The following SHROOM4 variants were observed in gnomAD, a reference collection of about 807,000 sequenced individuals.
SHROOM4 encodes protein Shroom4.
A neutral mutation model predicts 80.3 loss-of-function variants in SHROOM4; 17 were observed. The ratio of observed to expected loss-of-function variants is 0.21; its 90% CI spans 0.14 to 0.32. The LOEUF (loss-of-function observed/expected upper bound fraction) is 0.32. Among genes scored for constraint, SHROOM4 ranks in the 10% least tolerant of loss-of-function variants. SHROOM4 has a pLI of 1.00. For synonymous variants in SHROOM4, 400 were observed against 437.5 expected (o/e 0.91, Z 1.07); for missense variants, 993 against 1,140.3 (o/e 0.87, Z 1.86).
intron 1 of SHROOM4, among the ~76,000 whole-genome samples, chrX:50,728,885 A>G (rs1394680909): frequency 9.0e-6 from 1 of 111,595 alleles, no homozygotes; most frequent in African/African-American, 3.3e-5. Flanking sequence ...GACAGGATAA[A>G]AAATAAGAAC....
intron 1 of SHROOM4, among the ~76,000 whole-genome samples, chrX:50,744,715 ACT>A (rs1311939370): frequency 9.0e-6 from 1 of 111,279 alleles, no homozygotes; most frequent in Non-Finnish European, 1.9e-5. Context: ...TATTGTAGTA[ACT>A]CTGAATTCTG....
At chrX:50,684,459 T>C (rs781813570) in intron 2 of SHROOM4, among the ~76,000 whole-genome samples, 1 of 112,145 alleles carries the variant, frequency 8.9e-6, no homozygotes, top group African/African-American at 3.2e-5. Context: ...ATGTAATCTC[T>C]GCTATTTTAA....
chrX:50,653,036 T>G (rs1394810252), intron 2 of SHROOM4, among the ~76,000 whole-genome samples: 1 of 111,796 alleles, frequency 8.9e-6, no homozygotes, highest in Non-Finnish European at 1.9e-5. Context: ...CTTAGGATTG[T>G]CTTGGCTATC....
intron 1 of SHROOM4, among the ~76,000 whole-genome samples, chrX:50,738,435 G>A (rs782001261): frequency 1.5e-4 from 17 of 111,356 alleles, no homozygotes; most frequent in South Asian, 3.8e-4. Flanking sequence ...AAACCCCATC[G>A]TCTCAGCCCC....
At chrX:50,612,937 C>G (rs1930065186) in intron 5 of SHROOM4, among the ~76,000 whole-genome samples, 1 of 110,859 alleles carries the variant, frequency 9.0e-6, no homozygotes, top group Non-Finnish European at 1.9e-5. Context: ...TGCTTAATGG[C>G]AAAACACTAG....
At chrX:50,611,243 G>C (rs1464553807) in intron 5 of SHROOM4, among the ~76,000 whole-genome samples, 3 of 101,115 alleles carry the variant, frequency 3.0e-5, no homozygotes, top group African/African-American at 1.1e-4. Flanking sequence ...CCGCCTCCCG[G>C]GTTCACGCCA....
chrX:50,607,838 G>A lies in SHROOM4; in HGVS notation c.3304C>T (p.Pro1102Ser). The change falls in exon 6 of 9, where the codon CCT becomes TCT. Residue 1102 changes from proline (P) to serine (S), a missense_variant. Pro to Ser is a moderately conservative substitution (Grantham distance 74). Transcript: ENST00000376020. The part of the protein sequence containing the change: ...LGARKKAFPP[P>S]RPPPPNWEKY... ...TCCCAGTTGGGAGGAGGAGGGCGAGGAGGAGGAAAGGCCTTCTTCCTGGCT... is the reference window on the plus strand; with the variant it reads ...TCCCAGTTGGGAGGAGGAGGGCGAGAAGGAGGAAAGGCCTTCTTCCTGGCT... The A allele has an allele frequency of 1.7e-6, 2 of 1,209,970 alleles. No homozygotes were observed. The highest frequency in any genetic ancestry group is 1.7e-5 in the African/African-American group (1 of 57,707).
At chrX:50,683,922 G>C (rs1167532696) in intron 2 of SHROOM4, among the ~76,000 whole-genome samples, 1 of 111,412 alleles carries the variant, frequency 9.0e-6, no homozygotes, top group Non-Finnish European at 1.9e-5. Flanking sequence ...TAATACATAA[G>C]GGGCAAGTAG....
intron 1 of SHROOM4, among the ~76,000 whole-genome samples, chrX:50,701,786 T>C (rs1232493201): frequency 2.7e-5 from 3 of 111,590 alleles, no homozygotes; most frequent in Non-Finnish European, 5.6e-5. Flanking sequence ...ACTAAAATCA[T>C]AAGGCTTTTA....
intron 5 of SHROOM4, among the ~76,000 whole-genome samples, chrX:50,618,298 T>TC (rs1930363118): frequency 8.2e-3 from 1 of 122 alleles, no homozygotes; most frequent in African/African-American, 0.02. Flanking sequence ...CTTCCTTCCT[T>TC]CCTTCCTTCC....
At chrX:50,599,744 G>A (rs1929307063) in intron 7 of SHROOM4, among the ~76,000 whole-genome samples, 1 of 111,152 alleles carries the variant, frequency 9.0e-6, no homozygotes, top group Non-Finnish European at 1.9e-5. Flanking sequence ...ATTTCTTCAG[G>A]GGACAGCTCT....
intron 6 of SHROOM4, among the ~76,000 whole-genome samples, chrX:50,605,612 C>G (rs1929629368): frequency 1.8e-5 from 2 of 112,585 alleles, no homozygotes; most frequent in East Asian, 2.8e-4. Context: ...ACACCTTGCC[C>G]TACAGGAGAG....
At chrX:50,618,085 GTCAGCC>G (rs1930325226) in intron 5 of SHROOM4, among the ~76,000 whole-genome samples, 1 of 111,273 alleles carries the variant, frequency 9.0e-6, no homozygotes, top group Non-Finnish European at 1.9e-5. Context: ...ATTGAAGGGT[GTCAGCC>G]TCAAGCCAAG....
At chrX:50,783,762 G>A (rs1382522615) in intron 1 of SHROOM4, among the ~76,000 whole-genome samples, 4 of 111,195 alleles carry the variant, frequency 3.6e-5, no homozygotes, top group South Asian at 3.8e-4. Flanking sequence ...TTTTAGTAGA[G>A]ATGGGGTTTT....
chrX:50,710,918 T>A (rs1889399485), intron 1 of SHROOM4, among the ~76,000 whole-genome samples: 1 of 111,058 alleles, frequency 9.0e-6, no homozygotes, highest in South Asian at 3.9e-4. Flanking sequence ...GCCCTTAGCC[T>A]TGATCTAAGT....
At chrX:50,633,077 G>A in intron 4 of SHROOM4, 101 bp downstream of exon 4, 2 of 863,606 alleles carry the variant, frequency 2.3e-6, no homozygotes, top group Non-Finnish European at 3.3e-6. Context: ...GTGCTGTACA[G>A]TTTCAAGGAA....
intron 2 of SHROOM4, among the ~76,000 whole-genome samples, chrX:50,669,158 T>C (rs781980353): frequency 3.1e-4 from 35 of 112,438 alleles, no homozygotes; most frequent in Admixed American, 9.4e-5. Context: ...AGGGTGATGG[T>C]TGCTGAAGAT....
intron 2 of SHROOM4, among the ~76,000 whole-genome samples, chrX:50,657,845 G>A (rs1169657219): frequency 9.0e-6 from 1 of 111,284 alleles, no homozygotes. Flanking sequence ...TTTTTGCTAT[G>A]GTTTAAATAT....
At position 50,803,893 on chromosome X, in the gene SHROOM4, CCTAA is replaced by C. The variant is rs782505063; in HGVS notation, c.117+10005_117+10008del. ...GATTGATTGATTGATTGATTGGAGG[CCTAA>C]CTGAGAGCTCTTAAGATGTTAGCCT... On this transcript the variant is annotated intron_variant, in intron 1 of 8. Coordinates refer to ENST00000376020, the MANE Select transcript of SHROOM4 (RefSeq NM_020717.5). Among the ~76,000 whole-genome samples the C allele has an allele frequency of 1.8e-4, 20 of 111,756 alleles. No homozygotes were observed. The South Asian group carries it at 6.7e-3, about 38-fold the overall frequency.
Sources: gnomAD v4.1 joint callset for allele counts (sites outside exome capture counted in the v4.1 genomes callset) on GRCh38, gnomAD v4.1.1 for gene constraint, MANE v1.5 for transcripts, NCBI Gene and HGNC (gene_info 2026-07-23, HGNC 2026-07-21) for gene names.